Variants in RAD23A observed in about 807,000 individuals in gnomAD.
The protein encoded by RAD23A is RAD23 nucleotide excision repair protein A.
RAD23A carries 16 observed loss-of-function variants against 44.8 expected under a neutral mutation model. That is an observed-to-expected ratio of 0.36 (90% CI 0.24 to 0.54). The LOEUF (loss-of-function observed/expected upper bound fraction) is 0.54. Ranked by LOEUF, RAD23A falls within the 20% of genes least tolerant of loss-of-function variation. The pLI, the probability that RAD23A is intolerant of heterozygous loss-of-function variation, is 0.89. For synonymous variants in RAD23A, 217 were observed against 202.9 expected, an observed-to-expected ratio of 1.07 and a Z score of -0.59; for missense variants, 380 against 483.3, an observed-to-expected ratio of 0.79 and a Z score of 2.00.
intron 7 of RAD23A, among the ~76,000 whole-genome samples, chr19:12,951,991 C>T (rs1323849036): frequency 6.6e-6 from 1 of 151,456 alleles, no homozygotes; most frequent in Admixed American, 6.6e-5. Context: ...GGCACAGTCT[C>T]GGCTCCCTGC....
intron 1 of RAD23A, 96 bp from the exon 2 acceptor site, chr19:12,947,752 C>G (rs1187346773): frequency 1.6e-6 from 2 of 1,282,988 alleles, no homozygotes; most frequent in East Asian, 4.7e-5. Flanking sequence ...GCGTGCTTGC[C>G]TTTCTGCCAT....
rs532493020 is a variant in RAD23A at position 12,946,146 on chromosome 19, C to G, written c.72+126C>G. 1,636 of 866,996 alleles carry G rather than the reference C, an allele frequency of 1.9e-3. 2 individuals carry two copies. Among genetic ancestry groups the G allele is most frequent in the Non-Finnish European group, 2.6e-3 (1,519 of 588,942 alleles). 53.7% of individuals were successfully genotyped at this position (866,996 alleles called of 1,614,324 possible). ...CGCGGGTCGGCCCTGCCCAGACCCC[C>G]GACCTGCCCGACTTTCCTGGACCCC... On this transcript the variant is annotated intron_variant, in intron 1 of 8. Coordinates refer to ENST00000586534, the MANE Select transcript of RAD23A (RefSeq NM_005053.4).
chr19:12,948,103 C>T lies in RAD23A; in HGVS notation c.235-74C>T, dbSNP rs1327880479. 6.8e-6 allele frequency: 11 copies of T among 1,606,926 alleles called. No individual in the cohort carries two copies. The highest frequency in any genetic ancestry group is 1.7e-5 in the Admixed American group (1 of 59,890). ...CAGGAGAGATTAGCTGTGAACAGGG[C>T]GGGGCCACAGCGGAGCGGGTTGTTG... On this transcript the variant is annotated intron_variant, in intron 2 of 8. Transcript: ENST00000586534. The surrounding 1 kb of genome is among the most constrained non-coding windows in gnomAD (Gnocchi z 5.5).
Position 12,945,960 on chromosome 19 carries a change from C to G in RAD23A, c.12C>G (p.Thr4=). 1 of 1,607,612 alleles carries G rather than the reference C, an allele frequency of 6.2e-7. No homozygotes were observed. The change falls in exon 1 of 9, where the codon ACC becomes ACG. Residue 4 remains threonine, a synonymous_variant. Transcript: ENST00000586534. MAV[T]ITLKTLQQQT... ...GCTCGGGCCCCGCCATGGCCGTCAC[C>G]ATCACGCTCAAAACGCTGCAGCAGC...
chr19:12,950,251 G>A (rs2146038406), intron 7 of RAD23A, among the ~76,000 whole-genome samples: 1 of 152,166 alleles, frequency 6.6e-6, no homozygotes, highest in Middle Eastern at 3.4e-3. Context: ...CCAGGCCCTG[G>A]GGATCTGCTG....
chr19:12,949,759 G>T (rs974550384), intron 7 of RAD23A, among the ~76,000 whole-genome samples: 1 of 152,158 alleles, frequency 6.6e-6, no homozygotes, highest in African/African-American at 2.4e-5. Context: ...AGATGGTGCT[G>T]CGTAAATGTC....
At chr19:12,952,915 A>T in intron 8 of RAD23A, 21 bp from the exon 9 acceptor site, 1 of 1,613,342 alleles carries the variant, frequency 6.2e-7, no homozygotes, top group Non-Finnish European at 8.5e-7. Context: ...TCCTGCTCAC[A>T]CTTAACCTAT....
chr19:12,947,815 G>T (rs760549125), intron 1 of RAD23A, 33 bp from the exon 2 acceptor site: 7 of 1,605,564 alleles, frequency 4.4e-6, no homozygotes, highest in Non-Finnish European at 6.0e-6. Context: ...GAATCTTGGG[G>T]TCTCCAGTGA....
chr19:12,947,875 G>T lies in RAD23A; in HGVS notation c.100G>T (p.Ala34Ser), dbSNP rs778316310. 6.2e-7 allele frequency: 1 copy of T among 1,613,946 alleles called. No individual in the cohort carries two copies. The highest frequency in any genetic ancestry group is 1.1e-5 in the South Asian group (1 of 91,082). Reference protein sequence around the residue: ...TVKVLKEKIEAEKGRDAFPVA... With the variant: ...TVKVLKEKIESEKGRDAFPVA... ...GAAGGTGCTAAAGGAGAAGATAGAAGCTGAGAAGGGTCGTGATGCCTTCCC... is the reference window on the plus strand; with the variant it reads ...GAAGGTGCTAAAGGAGAAGATAGAATCTGAGAAGGGTCGTGATGCCTTCCC... The change falls in exon 2 of 9, where the codon GCT (alanine) becomes TCT (serine). Residue 34 changes from alanine (A) to serine (S), a missense_variant. Physicochemically the swap from Ala to Ser is moderately conservative, Grantham distance 99. Coordinates refer to ENST00000586534, the MANE Select transcript of RAD23A (RefSeq NM_005053.4).
intron 7 of RAD23A, among the ~76,000 whole-genome samples, chr19:12,950,652 T>C (rs1045058394): frequency 2.6e-5 from 4 of 152,162 alleles, no homozygotes; most frequent in Admixed American, 1.3e-4. Context: ...CTGCCCGCCT[T>C]GGCCTCCCAA....
intron 7 of RAD23A, among the ~76,000 whole-genome samples, chr19:12,951,430 T>C (rs1042362902): frequency 2.0e-5 from 3 of 151,992 alleles, no homozygotes; most frequent in African/African-American, 7.2e-5. Context: ...TCGCTGTTTT[T>C]TGTTTTTTTT....
At chr19:12,949,433 C>T (rs1971749620) in intron 7 of RAD23A, 25 bp downstream of exon 7, 1 of 1,603,572 alleles carries the variant, frequency 6.2e-7, no homozygotes, top group Admixed American at 1.7e-5. Context: ...GCAGAGGGAG[C>T]TAGGGCAGCC....
chr19:12,945,891 G>T lies in RAD23A; in HGVS notation c.-58G>T, dbSNP rs546743312. On this transcript the variant is annotated 5_prime_UTR_variant, in exon 1 of 9. Coordinates refer to ENST00000586534, the MANE Select transcript of RAD23A (RefSeq NM_005053.4). ...CGCGCCTGGGCGCTAAGATGGCGGC[G>T]GCGTGAGTTGCATGTTGTGTGAGGA... The T allele has an allele frequency of 7.7e-6, 12 of 1,564,952 alleles. No individual in the cohort carries two copies. Among genetic ancestry groups the T allele is most frequent in the Non-Finnish European group, 7.9e-6 (9 of 1,145,956 alleles).
chr19:12,946,253 C>T (rs911701300), intron 1 of RAD23A, among the ~76,000 whole-genome samples: 2 of 152,196 alleles, frequency 1.3e-5, no homozygotes, highest in Non-Finnish European at 2.9e-5. Flanking sequence ...CCCCGGGGCG[C>T]TGGCCAGGCC....
chr19:12,949,105 G>C lies in RAD23A; in HGVS notation c.625G>C (p.Glu209Gln), dbSNP rs868641497. 1.2e-6 allele frequency: 2 copies of C among 1,613,674 alleles called. No individual in the cohort carries two copies. The highest frequency in any genetic ancestry group is 4.5e-5 in the East Asian group (2 of 44,862). The change falls in exon 6 of 9, where the codon GAA (glutamate) becomes CAA (glutamine). Residue 209 changes from glutamate (E) to glutamine (Q), a missense_variant. Around this residue, in one of 3 missense-constraint regions of RAD23A, gnomAD observed 279 missense variants for 313.7 expected, o/e 0.89. Coordinates refer to ENST00000586534, the MANE Select transcript of RAD23A (RefSeq NM_005053.4). ...GGGAATTCCTGGGAGCCCCGAGCCG[G>C]AACACGGTTCTGTCCAGGAGAGCCA... Reference protein sequence around the residue: ...LTGIPGSPEPEHGSVQESQVS... With the variant: ...LTGIPGSPEPQHGSVQESQVS...
Position 12,950,467 on chromosome 19 carries a change from C to T in RAD23A, c.813+1059C>T, listed in dbSNP as rs1014723604. On this transcript the variant is annotated intron_variant, in intron 7 of 8. Transcript: ENST00000586534. ...TCGCCCAGGCTGGAGTGCAATGGCG[C>T]AATCCCGGCTCACTGCAACCTCCGC... Among the ~76,000 whole-genome samples, 18 of 152,006 alleles carry T rather than the reference C, an allele frequency of 1.2e-4. 1 individual carries two copies. Among genetic ancestry groups the T allele is most frequent in the Non-Finnish European group, 2.9e-5 (2 of 67,984 alleles).
rs201928561 is a variant in RAD23A, at chr19:12,949,329, G to A, written c.734G>A (p.Arg245Gln). Residue 245 changes from arginine (R) to glutamine (Q), a missense_variant, in exon 7 of 9, where the codon CGG becomes CAG. Arg to Gln is a conservative substitution (Grantham distance 43). This residue lies in a region of RAD23A where 279 missense variants were observed against 313.7 expected (regional missense o/e 0.89). Transcript: ENST00000586534. ...LRDQPQFQNMRQVIQQNPALL... is the reference protein window; with the variant it reads ...LRDQPQFQNMQQVIQQNPALL... ...GACCAGCCCCAGTTCCAGAACATGC[G>A]GCAGGTGATTCAGCAGAACCCTGCG... The A allele has an allele frequency of 4.1e-5, 66 of 1,614,112 alleles. No individual in the cohort carries two copies. Among genetic ancestry groups the A allele is most frequent in the East Asian group, 1.1e-4 (5 of 44,880 alleles).
chr19:12,950,664 G>C (rs1971787637), intron 7 of RAD23A, among the ~76,000 whole-genome samples: 1 of 152,254 alleles, frequency 6.6e-6, no homozygotes, highest in South Asian at 2.1e-4. Flanking sequence ...GCCTCCCAAA[G>C]TGCTGCAATT....
In RAD23A at chr19:12,952,687, AG is replaced by A; in HGVS notation, c.814-1del. 6.2e-7 allele frequency: 1 copy of A among 1,607,974 alleles called. No individual in the cohort carries two copies. ...CCTTCCCTTCCCCACCCTCTCCTGC[AG>A]CAAATCAGCCGGCACCAGGAGCAGT... is the stretch of plus-strand genomic sequence containing the variant. On this transcript the variant is annotated splice_acceptor_variant, in intron 7 of 8. Coordinates refer to ENST00000586534, the MANE Select transcript of RAD23A (RefSeq NM_005053.4). LOFTEE classifies it high-confidence loss of function.
Sources: allele counts gnomAD v4.1 joint callset (sites outside exome capture counted in the v4.1 genomes callset), GRCh38; gene constraint gnomAD v4.1.1; regional missense constraint gnomAD v4.1.1; non-coding constraint Gnocchi (gnomAD v3.1); transcripts MANE v1.5; gene names NCBI Gene and HGNC (gene_info 2026-07-23, HGNC 2026-07-21).